AP1G1: variants seen among roughly 807,000 people sequenced by gnomAD.
AP1G1 encodes the protein adaptor related protein complex 1 subunit gamma 1.
In AP1G1, 7 loss-of-function variants were observed where a neutral mutation model predicts 108.3. That is an observed-to-expected ratio of 0.06 (90% CI 0.04 to 0.12). The LOEUF is 0.12. Among genes scored for constraint, AP1G1 ranks in the 10% least tolerant of loss-of-function variants. AP1G1 has a pLI of 1.00. For synonymous variants in AP1G1, 379 were observed against 353.5 expected (o/e 1.07, Z -0.81); for missense variants, 756 against 1,010.7 (o/e 0.75, Z 3.42).
chr16:71,789,564 T>C, intron 1 of AP1G1, 82 bp from the exon 2 acceptor site: 1 of 1,408,168 alleles, frequency 7.1e-7, no homozygotes, highest in Non-Finnish European at 9.8e-7. Flanking sequence ...TTTAAATTTT[T>C]GACTAGTTTT....
intron 1 of AP1G1, among the ~76,000 whole-genome samples, chr16:71,801,099 G>C (rs1017464941): frequency 1.3e-5 from 2 of 152,148 alleles, no homozygotes; most frequent in Non-Finnish European, 2.9e-5. Flanking sequence ...TTAAGGTCAG[G>C]AGTTTGATAC....
At chr16:71,790,156 A>T (rs2032345629) in intron 1 of AP1G1, among the ~76,000 whole-genome samples, 1 of 152,216 alleles carries the variant, frequency 6.6e-6, no homozygotes, top group Admixed American at 6.5e-5. Flanking sequence ...TTGTTAACAA[A>T]CAGAAAAAAC....
At chr16:71,806,649 T>C in intron 1 of AP1G1, 2 of 1,249,462 alleles carry the variant, frequency 1.6e-6, no homozygotes, top group Non-Finnish European at 2.1e-6. Context: ...AAGTCAGAAA[T>C]GGAACATTTC....
rs139355442 is a variant in AP1G1 at position 71,771,715 on chromosome 16, T to A, written c.469-463A>T. Among the ~76,000 whole-genome samples the A allele has an allele frequency of 4.3e-3, 660 of 152,334 alleles. 11 individuals are homozygous for A. The highest frequency in any genetic ancestry group is 0.015 in the African/African-American group (640 of 41,590). On this transcript the variant is annotated intron_variant, in intron 4 of 22. Coordinates refer to ENST00000299980, the MANE Select transcript of AP1G1 (RefSeq NM_001128.6). ...TTATCAAAAAGTTAAACATAATTTA[T>A]GTGGAGTTTTAAGGAAGTAAAAATA...
intron 22 of AP1G1, among the ~76,000 whole-genome samples, 190 bp downstream of exon 22, chr16:71,734,419 C>T (rs1429346154): frequency 6.6e-6 from 1 of 152,106 alleles, no homozygotes; most frequent in Admixed American, 6.6e-5. Flanking sequence ...TAATAAGATG[C>T]CACTAAGCCA....
intron 1 of AP1G1, among the ~76,000 whole-genome samples, chr16:71,794,670 GA>G (rs1247318834): frequency 3.3e-5 from 5 of 151,076 alleles, no homozygotes; most frequent in Non-Finnish European, 5.9e-5. Context: ...CAAACTAAAG[GA>G]AAAAAATGTA....
chr16:71,796,134 G>C (rs759144060), intron 1 of AP1G1, among the ~76,000 whole-genome samples: 1 of 152,180 alleles, frequency 6.6e-6, no homozygotes, highest in Non-Finnish European at 1.5e-5. Context: ...AGCTATTCGG[G>C]AGGCTGATGT....
At position 71,753,841 on chromosome 16, in the gene AP1G1, A is replaced by C; in HGVS notation, c.1276T>G (p.Leu426Val). 1.2e-6 allele frequency: 2 copies of C among 1,614,118 alleles called. No individual in the cohort carries two copies. The highest frequency in any genetic ancestry group is 1.3e-5 in the African/African-American group (1 of 75,066). Residue 426 changes from leucine (L) to valine (V), a missense_variant, in exon 13 of 23, where the codon TTG (leucine) becomes GTG (valine). By Grantham distance (32) the Leu-to-Val change is conservative. Transcript: ENST00000299980. Reference protein sequence around the residue: ...RWHIDTIMRVLTTAGSYVRDD... With the variant: ...RWHIDTIMRVVTTAGSYVRDD... ...TGAAAGAAGCTACTTACCGTTGTCA[A>C]AACACGCATAATTGTGTCTATATGC... is the stretch of plus-strand genomic sequence containing the variant.
intron 1 of AP1G1, among the ~76,000 whole-genome samples, chr16:71,790,981 G>A (rs1412972143): frequency 2.0e-5 from 3 of 152,126 alleles, no homozygotes; most frequent in Non-Finnish European, 2.9e-5. Flanking sequence ...AGCACTTTGG[G>A]AGGCCAAGGC....
At chr16:71,765,637 T>C in intron 6 of AP1G1, 53 bp from the exon 7 acceptor site, 4 of 1,427,382 alleles carry the variant, frequency 2.8e-6, no homozygotes, top group Non-Finnish European at 4.0e-6. Context: ...GAATGTCTCA[T>C]GAATAAGCAG....
chr16:71,797,164 T>G (rs2032616726), intron 1 of AP1G1, among the ~76,000 whole-genome samples: 1 of 152,014 alleles, frequency 6.6e-6, no homozygotes. Context: ...ATAATCTTAT[T>G]AGCAAAACCA....
At chr16:71,768,978 CAAAAAA>C (rs59451625) in intron 6 of AP1G1, among the ~76,000 whole-genome samples, 1 of 65,018 alleles carries the variant, frequency 1.5e-5, no homozygotes, top group East Asian at 4.7e-4. Context: ...AAAAAAAATA[CAAAAAA>C]AAAAAAAAAA....
At chr16:71,758,949 A>G (rs753764213) in intron 10 of AP1G1, 28 bp from the exon 11 acceptor site, 1 of 1,315,822 alleles carries the variant, frequency 7.6e-7, no homozygotes, top group Non-Finnish European at 1.1e-6. Context: ...AAAATAACAG[A>G]GTTAAAATGT....
chr16:71,796,398 C>G (rs2032586525), intron 1 of AP1G1, among the ~76,000 whole-genome samples: 1 of 152,144 alleles, frequency 6.6e-6, no homozygotes. Flanking sequence ...GTTTCAGGCT[C>G]ACAGTGCAAC....
chr16:71,806,779 C>T, intron 1 of AP1G1: 4 of 1,129,688 alleles, frequency 3.5e-6, no homozygotes, highest in South Asian at 1.4e-5. Context: ...ACAGAACTCA[C>T]GTATCTAATA....
intron 1 of AP1G1, among the ~76,000 whole-genome samples, chr16:71,789,761 T>G (rs1329588701): frequency 6.6e-6 from 1 of 152,218 alleles, no homozygotes; most frequent in African/African-American, 2.4e-5. Flanking sequence ...AGTCTATCAC[T>G]AATATCAAAA....
Position 71,739,114 on chromosome 16 carries a change from C to T in AP1G1, c.2108-12G>A. 1.2e-6 allele frequency: 2 copies of T among 1,613,994 alleles called. No individual in the cohort carries two copies. The highest frequency in any genetic ancestry group is 1.7e-6 in the Non-Finnish European group (2 of 1,179,920). On this transcript the variant is annotated splice_polypyrimidine_tract_variant and intron_variant, in intron 20 of 22. Coordinates refer to ENST00000299980, the MANE Select transcript of AP1G1 (RefSeq NM_001128.6). The stretch of plus-strand genomic sequence containing the variant: ...GATGGAGGGGATGCCTGAGAAAGTA[C>T]AGGAAGATAAGTCTTATTGTAGTCA...
intron 5 of AP1G1, among the ~76,000 whole-genome samples, chr16:71,770,622 C>T (rs899029701): frequency 2.6e-5 from 4 of 152,222 alleles, no homozygotes; most frequent in Non-Finnish European, 5.9e-5. Context: ...GGACCACAGG[C>T]ATGTGCCATC....
rs139366275 is a variant in AP1G1, at chr16:71,770,061, G to C, written c.566-362C>G. ...GTAAGCTATTATCTGAGTACTAACA[G>C]ATAATTCAAGAGGCAAAAATCTTAG... is the stretch of plus-strand genomic sequence containing the variant. On this transcript the variant is annotated intron_variant, in intron 5 of 22. Transcript: ENST00000299980. 2.8e-3 allele frequency among the ~76,000 whole-genome samples: 433 copies of C among 152,260 alleles called. 2 individuals are homozygous for C. The highest frequency in any genetic ancestry group is 0.01 in the African/African-American group (425 of 41,540).
Sources: allele counts gnomAD v4.1 joint callset (sites outside exome capture counted in the v4.1 genomes callset), GRCh38; gene constraint gnomAD v4.1.1; transcripts MANE v1.5; gene names NCBI Gene and HGNC (gene_info 2026-07-23, HGNC 2026-07-21).